Variants in MTA1 observed in about 807,000 individuals in gnomAD.
MTA1 encodes the protein metastasis-associated protein MTA1.
Under a neutral mutation model 97.0 loss-of-function variants are expected in MTA1, and 15 were observed. The observed-to-expected ratio is 0.15, with a 90% CI of 0.10 to 0.24. The LOEUF (loss-of-function observed/expected upper bound fraction) is 0.24. Ranked by LOEUF, MTA1 falls within the 10% of genes least tolerant of loss-of-function variation. MTA1 has a pLI of 1.00. For missense variants in MTA1, 709 were observed against 1,015.1 expected (o/e 0.70, Z 4.10); for synonymous variants, 435 against 417.5 (o/e 1.04, Z -0.51).
At chr14:105,431,904 G>A (rs1445490526) in intron 1 of MTA1, among the ~76,000 whole-genome samples, 1 of 152,172 alleles carries the variant, frequency 6.6e-6, no homozygotes, top group East Asian at 1.9e-4. Context: ...GGGATTACAG[G>A]CGTGAGGCAC....
chr14:105,431,869 G>T (rs782384534), intron 1 of MTA1, among the ~76,000 whole-genome samples: 44 of 151,668 alleles, frequency 2.9e-4, no homozygotes, highest in Non-Finnish European at 5.9e-4. Flanking sequence ...CAGGTGATCC[G>T]CCCACCTCAG....
rs1461336554 is a variant in MTA1, at chr14:105,420,942, C to T, written c.28+879C>T. Among the ~76,000 whole-genome samples the T allele has an allele frequency of 6.6e-6, 1 of 152,182 alleles. No individual in the cohort carries two copies. Among genetic ancestry groups the T allele is most frequent in the Non-Finnish European group, 1.5e-5 (1 of 68,022 alleles). ...ACCCTCTCGGGCAGGTGCTCATTAC[C>T]TTTCCCACCTGCAGCCTGCGCTGCT... On this transcript the variant is annotated intron_variant, in intron 1 of 20. Transcript: ENST00000331320. The surrounding 1 kb of genome is among the most constrained non-coding windows in gnomAD (Gnocchi z 5.3).
chr14:105,451,710 A>T (rs2082935821), intron 6 of MTA1, among the ~76,000 whole-genome samples: 1 of 151,240 alleles, frequency 6.6e-6, no homozygotes. Flanking sequence ...GGGACAAAAC[A>T]GGCTGCTCAG....
chr14:105,450,058 G>A lies in MTA1; in HGVS notation c.242G>A (p.Gly81Glu). The A allele has an allele frequency of 6.2e-7, 1 of 1,613,540 alleles. No homozygotes were observed. ...CTGACAGGGGCTCCTTGTCCTTCAG[G>A]GGAAATAGAAGAGGAAATGGAGAAC... Reference protein sequence around the residue: ...AGPGADNGEEGEIEEEMENPE... With the variant: ...AGPGADNGEEEEIEEEMENPE... The change falls in exon 5 of 21, where the codon GGG (glycine) becomes GAG (glutamate). Residue 81 changes from glycine to glutamate, a missense_variant and splice_region_variant. Around this residue, in one of 2 missense-constraint regions of MTA1, gnomAD observed 321 missense variants for 593.5 expected, o/e 0.54. Transcript: ENST00000331320.
rs782814451 is a variant in MTA1, at chr14:105,460,961, C to A, written c.942+8C>A. ...GACATTCAGCAAGATTTTGTGAGTA[C>A]CGTGGGTGGCGATGGGGGAGTGGCT... is the stretch of plus-strand genomic sequence containing the variant. On this transcript the variant is annotated splice_region_variant and intron_variant, in intron 10 of 20. Coordinates refer to ENST00000331320, the MANE Select transcript of MTA1 (RefSeq NM_004689.4). The A allele has an allele frequency of 6.2e-7, 1 of 1,603,852 alleles. No individual in the cohort carries two copies. The highest frequency in any genetic ancestry group is 1.7e-5 in the Admixed American group (1 of 59,390).
intron 3 of MTA1, 33 bp from the exon 4 acceptor site, chr14:105,449,326 C>A: frequency 6.2e-7 from 1 of 1,605,834 alleles, no homozygotes. Flanking sequence ...CTGTGCTGAC[C>A]GTGCTGCCGG....
Position 105,422,852 on chromosome 14 carries a change from C to T in MTA1, c.28+2789C>T, listed in dbSNP as rs2081889246. ...CCCCATGGAGTGCCCTGGCCACGGA[C>T]AGAGGCCTTCTGTCTGTGCCTGTGA... On this transcript the variant is annotated intron_variant, in intron 1 of 20. Coordinates refer to ENST00000331320, the MANE Select transcript of MTA1 (RefSeq NM_004689.4). This position sits in a 1 kb window ranked among gnomAD's most constrained non-coding sequence, Gnocchi z 4.3. 6.6e-6 allele frequency among the ~76,000 whole-genome samples: 1 copy of T among 152,142 alleles called. No individual in the cohort carries two copies. The highest frequency in any genetic ancestry group is 1.9e-4 in the East Asian group (1 of 5,170).
chr14:105,464,610 G>A lies in MTA1; in HGVS notation c.1344+43G>A, dbSNP rs201013703. On this transcript the variant is annotated intron_variant, in intron 14 of 20. Transcript: ENST00000331320. ...CGCCCTGCCTGCCATGAGCCTGTCG[G>A]CCACGCGGGTCCTCGGCCCCCGGTC... 5.7e-5 allele frequency: 92 copies of A among 1,610,584 alleles called. No individual in the cohort carries two copies. In the African/African-American group the frequency reaches 1.1e-3, roughly 20 times the overall value.
At chr14:105,450,693 C>G (rs2082893659) in intron 6 of MTA1, among the ~76,000 whole-genome samples, 1 of 152,172 alleles carries the variant, frequency 6.6e-6, no homozygotes, top group South Asian at 2.1e-4. Flanking sequence ...TGGGCAGAGT[C>G]CTGGTAGGCC....
intron 2 of MTA1, among the ~76,000 whole-genome samples, chr14:105,444,473 G>C (rs1392753351): frequency 2.0e-5 from 3 of 152,192 alleles, no homozygotes; most frequent in Non-Finnish European, 4.4e-5. Flanking sequence ...CTGGGCAACA[G>C]AGTGAGACCC....
At chr14:105,449,616 G>A (rs2141574065) in intron 4 of MTA1, among the ~76,000 whole-genome samples, 1 of 152,332 alleles carries the variant, frequency 6.6e-6, no homozygotes, top group Non-Finnish European at 1.5e-5. Context: ...ACCTGCTGGT[G>A]TGGGAGGTCT....
chr14:105,450,231 C>T (rs1204715683), intron 5 of MTA1, 30 bp from the exon 6 acceptor site: 48 of 1,609,864 alleles, frequency 3.0e-5, no homozygotes, highest in Non-Finnish European at 3.8e-5. Context: ...CTGCCCTCGC[C>T]TTTCCAGCCT....
At chr14:105,457,916 C>T (rs1242971103) in intron 7 of MTA1, among the ~76,000 whole-genome samples, 1 of 151,452 alleles carries the variant, frequency 6.6e-6, no homozygotes, top group Admixed American at 6.6e-5. Context: ...CAGAGTGAGA[C>T]TCCGTCTCAA....
rs113660039 is a variant in MTA1 at position 105,446,774 on chromosome 14, C to T, written c.190+1263C>T. Among the ~76,000 whole-genome samples the T allele has an allele frequency of 5.2e-3, 796 of 152,318 alleles. 8 individuals carry two copies. Among genetic ancestry groups the T allele is most frequent in the African/African-American group, 0.017 (698 of 41,552 alleles). Reference sequence around the variant, plus strand: ...CTGCCCTGGGTCAGTGCAGCTGGGCCGGGCCCCCGAGCCTGGGTCCACTCT... The same window carrying T: ...CTGCCCTGGGTCAGTGCAGCTGGGCTGGGCCCCCGAGCCTGGGTCCACTCT... On this transcript the variant is annotated intron_variant, in intron 3 of 20. Transcript: ENST00000331320.
At chr14:105,439,501 A>G (rs1216285406) in intron 2 of MTA1, among the ~76,000 whole-genome samples, 1 of 152,148 alleles carries the variant, frequency 6.6e-6, no homozygotes, top group Non-Finnish European at 1.5e-5. Context: ...AGAGCCGTAG[A>G]TGGCCATGGA....
In MTA1 at chr14:105,420,564, C is replaced by T. The variant is rs1304676247; in HGVS notation, c.28+501C>T. On this transcript the variant is annotated intron_variant, in intron 1 of 20. Transcript: ENST00000331320. This position sits in a 1 kb window ranked among gnomAD's most constrained non-coding sequence, Gnocchi z 5.3. ...CCCTAGAGCCCTCCTGCAGCCTGGC[C>T]CCGGGGCTTCCCCCAGCAGGGATCC... Among the ~76,000 whole-genome samples the T allele has an allele frequency of 6.6e-6, 1 of 152,162 alleles. No homozygotes were observed. Among genetic ancestry groups the T allele is most frequent in the Non-Finnish European group, 1.5e-5 (1 of 67,990 alleles).
Position 105,460,801 on chromosome 14 carries a change from G to T in MTA1, c.790G>T (p.Asp264Tyr). 6.2e-7 allele frequency: 1 copy of T among 1,606,610 alleles called. No homozygotes were observed. The highest frequency in any genetic ancestry group is 1.1e-5 in the South Asian group (1 of 90,430). The change falls in exon 10 of 21, where the codon GAC becomes TAC. Residue 264 changes from aspartate to tyrosine, a missense_variant. By Grantham distance (160) the Asp-to-Tyr change is radical. Coordinates refer to ENST00000331320, the MANE Select transcript of MTA1 (RefSeq NM_004689.4). ...GGATACTCTCCACAAGAACATCTAC[G>T]ACATCTCCAAGGCCATCTCGGCGCT... ...AMDTLHKNIYDISKAISALVP... is the reference protein window; with the variant it reads ...AMDTLHKNIYYISKAISALVP...
chr14:105,470,286 G>T lies in MTA1; in HGVS notation c.*71G>T. 1 of 1,184,382 alleles carries T rather than the reference G, an allele frequency of 8.4e-7. No homozygotes were observed. The highest frequency in any genetic ancestry group is 1.0e-6 in the Non-Finnish European group (1 of 955,500). The allele number at this position is 1,184,382 out of a possible 1,614,324, so 73.4% of individuals were successfully genotyped here. On this transcript the variant is annotated 3_prime_UTR_variant, in exon 21 of 21. Coordinates refer to ENST00000331320, the MANE Select transcript of MTA1 (RefSeq NM_004689.4). ...ACGGCCCCTTCCCAGCCAGCCCGCC[G>T]CCCGCCCCTCAGTTTGGTAGTGCCC...
intron 10 of MTA1, among the ~76,000 whole-genome samples, chr14:105,462,525 G>A (rs1174991156): frequency 4.6e-5 from 7 of 151,548 alleles, no homozygotes; most frequent in African/African-American, 1.7e-4. Flanking sequence ...AGCCGAGATC[G>A]CACCACTGCA....
Sources: allele counts gnomAD v4.1 joint callset (sites outside exome capture counted in the v4.1 genomes callset), GRCh38; gene constraint gnomAD v4.1.1; regional missense constraint gnomAD v4.1.1; non-coding constraint Gnocchi (gnomAD v3.1); transcripts MANE v1.5; gene names NCBI Gene and HGNC (gene_info 2026-07-23, HGNC 2026-07-21).